Variants in CRB2 observed in about 807,000 individuals in gnomAD.
The protein encoded by CRB2 is protein crumbs homolog 2.
A neutral mutation model predicts 110.9 loss-of-function variants in CRB2; 85 were observed. That is an observed-to-expected ratio of 0.77 (90% CI 0.64 to 0.92). CRB2 has a LOEUF of 0.92. CRB2 is among the 40% of genes least tolerant of loss of function. CRB2 has a pLI of 0.00. For synonymous variants in CRB2, 907 were observed against 831.0 expected (o/e 1.09, Z -1.57); for missense variants, 1,843 against 1,851.3 (o/e 1.00, Z 0.08).
rs1386621607 is a variant in CRB2, at chr9:123,373,142, G to C, written c.2611G>C (p.Glu871Gln). 8.6e-6 allele frequency: 13 copies of C among 1,505,578 alleles called. No individual in the cohort carries two copies. The highest frequency in any genetic ancestry group is 1.1e-5 in the Non-Finnish European group (12 of 1,132,268). 93.3% of individuals were successfully genotyped at this position (1,505,578 alleles called of 1,614,324 possible). A position where few individuals can be genotyped will look rare whatever the true frequency, so the allele number is the denominator to read the frequency against. The part of the protein sequence containing the change: ...EVPDGFVCVA[E>Q]ATFREGPPAA... ...GCTCCTTCTCTCCGCAGGTGTGGCG[G>C]AGGCCACGTTCCGCGAGGGTCCCCC... The change falls in exon 10 of 13, where the codon GAG becomes CAG. Residue 871 changes from glutamate to glutamine, a missense_variant. Coordinates refer to ENST00000373631, the MANE Select transcript of CRB2 (RefSeq NM_173689.7).
chr9:123,362,602 C>G (rs773485233), intron 1 of CRB2, among the ~76,000 whole-genome samples: 20 of 152,158 alleles, frequency 1.3e-4, no homozygotes, highest in Non-Finnish European at 2.1e-4. Flanking sequence ...CAGGGAACCT[C>G]TGCTCACTAA....
rs891821412 is a variant in CRB2, at chr9:123,371,631, A to T, written c.2436+53A>T. 1.3e-5 allele frequency: 21 copies of T among 1,602,484 alleles called. No individual in the cohort carries two copies. In the East Asian group the frequency reaches 3.1e-4, roughly 24 times the overall value. ...TGGGGTGGGGAGTCCTTTTCCCAGG[A>T]TCTGTCCTGTGTCACCGGGGCTTAG... On this transcript the variant is annotated intron_variant, in intron 8 of 12. Coordinates refer to ENST00000373631, the MANE Select transcript of CRB2 (RefSeq NM_173689.7).
In CRB2 at chr9:123,370,157, G is replaced by A; in HGVS notation, c.1104G>A (p.Leu368=). 1 of 1,608,038 alleles carries A rather than the reference G, an allele frequency of 6.2e-7. No individual in the cohort carries two copies. The highest frequency in any genetic ancestry group is 8.5e-7 in the Non-Finnish European group (1 of 1,176,284). The change falls in exon 7 of 13, where the codon CTG becomes CTA. Residue 368 remains leucine (L), a synonymous_variant. Coordinates refer to ENST00000373631, the MANE Select transcript of CRB2 (RefSeq NM_173689.7). ...ATGAATGCCTGTCGGATCCCTGCCT[G>A]CACGGCGGAACCTGCAGTGACACTG... ...DVDECLSDPC[L]HGGTCSDTVA... is the part of the protein sequence containing the mutation.
Position 123,367,263 on chromosome 9 carries a change from G to A in CRB2, c.846G>A (p.Pro282=), listed in dbSNP as rs780253262. Residue 282 remains proline, a synonymous_variant, in exon 5 of 13, where the codon CCG becomes CCA. Coordinates refer to ENST00000373631, the MANE Select transcript of CRB2 (RefSeq NM_173689.7). ...GCCGATGCCTGCAGCGCTCTGACCCGGCCCTCTACGGGGGTGTCCAGGCCG... is the reference window on the plus strand; with the variant it reads ...GCCGATGCCTGCAGCGCTCTGACCCAGCCCTCTACGGGGGTGTCCAGGCCG... ...HGGRCLQRSD[P]ALYGGVQAAF... 92 of 1,597,564 alleles carry A rather than the reference G, an allele frequency of 5.8e-5. No homozygotes were observed. The highest frequency in any genetic ancestry group is 4.2e-4 in the East Asian group (19 of 44,790).
chr9:123,372,444 G>A, intron 9 of CRB2, 102 bp downstream of exon 9: 1 of 1,433,234 alleles, frequency 7.0e-7, no homozygotes, highest in South Asian at 1.4e-5. Context: ...GGTGGACCAG[G>A]CATGCCAAGC....
chr9:123,369,687 A>G (rs1353533607), intron 6 of CRB2, among the ~76,000 whole-genome samples: 3 of 152,284 alleles, frequency 2.0e-5, no homozygotes, highest in Middle Eastern at 6.8e-3. Flanking sequence ...CTTAAATGTC[A>G]GGGTGAGTGA....
chr9:123,367,254 C>T lies in CRB2; in HGVS notation c.837C>T (p.Arg279=), dbSNP rs1439591376. The change falls in exon 5 of 13, where the codon CGC becomes CGT. Residue 279 remains arginine (R), a synonymous_variant. Transcript: ENST00000373631. The part of the protein sequence containing the change: ...PCQHGGRCLQ[R]SDPALYGGVQ... ...AGCATGGGGGCCGATGCCTGCAGCG[C>T]TCTGACCCGGCCCTCTACGGGGGTG... 17 of 1,597,400 alleles carry T rather than the reference C, an allele frequency of 1.1e-5. No individual in the cohort carries two copies. The highest frequency in any genetic ancestry group is 1.4e-5 in the Non-Finnish European group (16 of 1,177,558).
Position 123,373,428 on chromosome 9 carries a change from C to T in CRB2, c.2897C>T (p.Pro966Leu), listed in dbSNP as rs565689888. Residue 966 changes from proline to leucine, a missense_variant, in exon 10 of 13, where the codon CCG (proline) becomes CTG (leucine). Transcript: ENST00000373631. ...WHRVRLAMER[P>L]AATTSRWLLW... ...CGCGTGCGTCTGGCCATGGAGCGCC[C>T]GGCGGCCACCACCTCGCGCTGGCTG... The T allele has an allele frequency of 4.7e-5, 68 of 1,447,140 alleles. No homozygotes were observed. Among genetic ancestry groups the T allele is most frequent in the Non-Finnish European group, 5.8e-5 (64 of 1,105,648 alleles). The allele number at this position is 1,447,140 out of a possible 1,614,324, so 89.6% of individuals were successfully genotyped here.
chr9:123,365,710 G>C (rs1437805663), intron 2 of CRB2, among the ~76,000 whole-genome samples: 2 of 152,152 alleles, frequency 1.3e-5, no homozygotes, highest in African/African-American at 4.8e-5. Flanking sequence ...ACTGCTGTGA[G>C]CCCCATGAAG....
At position 123,370,299 on chromosome 9, in the gene CRB2, G is replaced by A. The variant is rs199630307; in HGVS notation, c.1246G>A (p.Glu416Lys). 7.6e-5 allele frequency: 122 copies of A among 1,613,298 alleles called. No individual in the cohort carries two copies. Among genetic ancestry groups the A allele is most frequent in the Non-Finnish European group, 9.7e-5 (114 of 1,180,010 alleles). ...GGCTGCCACCTGCATCCCTATCTTC[G>A]AGTCTGGGGTCCACAGTTACGTCTG... ...PLAATCIPIFESGVHSYVCHC... is the reference protein window; with the variant it reads ...PLAATCIPIFKSGVHSYVCHC... Residue 416 changes from glutamate (E) to lysine (K), a missense_variant, in exon 7 of 13, where the codon GAG (glutamate) becomes AAG (lysine). Glu to Lys is a moderately conservative substitution (Grantham distance 56). Coordinates refer to ENST00000373631, the MANE Select transcript of CRB2 (RefSeq NM_173689.7).
At position 123,373,323 on chromosome 9, in the gene CRB2, G is replaced by A; in HGVS notation, c.2792G>A (p.Gly931Glu). The change falls in exon 10 of 13, where the codon GGG becomes GAG. Residue 931 changes from glycine (G) to glutamate (E), a missense_variant. Physicochemically the swap from Gly to Glu is moderately conservative, Grantham distance 98. Transcript: ENST00000373631. ...WLAVRNGSLA[G>E]GVRGGHGLPG... ...GCGGTGCGCAATGGCTCGCTGGCGGGGGGCGTGCGCGGAGGCCATGGCCTG... is the reference window on the plus strand; with the variant it reads ...GCGGTGCGCAATGGCTCGCTGGCGGAGGGCGTGCGCGGAGGCCATGGCCTG... 6.9e-7 allele frequency: 1 copy of A among 1,449,692 alleles called. No homozygotes were observed. Among genetic ancestry groups the A allele is most frequent in the Non-Finnish European group, 9.0e-7 (1 of 1,110,320 alleles). The allele number at this position is 1,449,692 out of a possible 1,614,324, so 89.8% of individuals were successfully genotyped here. A position where few individuals can be genotyped will look rare whatever the true frequency, so the allele number is the denominator to read the frequency against.
Position 123,377,677 on chromosome 9 carries a change from C to G in CRB2, c.*615C>G, listed in dbSNP as rs1260999075. 2.0e-5 allele frequency: 3 copies of G among 152,226 alleles called. No individual in the cohort carries two copies. Among genetic ancestry groups the G allele is most frequent in the Non-Finnish European group, 2.9e-5 (2 of 68,040 alleles). The allele number at this position is 152,226 out of a possible 1,614,324, so 9.4% of individuals were successfully genotyped here. A position where few individuals can be genotyped will look rare whatever the true frequency, so the allele number is the denominator to read the frequency against. ...AGTCAGGGAAGGCCACTAGCAGAGG[C>G]TGAGTGGGCTTCTGGCTCCTAGAAC... On this transcript the variant is annotated 3_prime_UTR_variant, in exon 13 of 13. Coordinates refer to ENST00000373631, the MANE Select transcript of CRB2 (RefSeq NM_173689.7).
chr9:123,365,134 G>A (rs976881705), intron 2 of CRB2, among the ~76,000 whole-genome samples: 1 of 152,096 alleles, frequency 6.6e-6, no homozygotes, highest in African/African-American at 2.4e-5. Flanking sequence ...GAGGTGGCAT[G>A]CACCTGTAAT....
intron 5 of CRB2, 64 bp downstream of exon 5, chr9:123,367,421 A>ACCCCCCCCCCC (rs1554782974): frequency 9.9e-6 from 6 of 608,078 alleles, no homozygotes; most frequent in Admixed American, 6.8e-5. Context: ...TCTTGTGCCC[A>ACCCCCCCCCCC]CCCCCCCACC....
upstream of CRB2, among the ~76,000 whole-genome samples, chr9:123,355,237 C>T (rs533676041): frequency 7.2e-5 from 11 of 152,324 alleles, no homozygotes; most frequent in African/African-American, 2.4e-4. Flanking sequence ...TCCACCCCAA[C>T]AAGAGGCCAG....
chr9:123,369,619 T>C (rs1376707878), intron 6 of CRB2, among the ~76,000 whole-genome samples: 2 of 151,994 alleles, frequency 1.3e-5, no homozygotes, highest in Admixed American at 1.3e-4. Context: ...ACGTTCAAGA[T>C]TTGTGGGAAG....
rs373359063 is a variant in CRB2 at position 123,370,582 on chromosome 9, C to T, written c.1529C>T (p.Pro510Leu). 89 of 1,613,148 alleles carry T rather than the reference C, an allele frequency of 5.5e-5. No individual in the cohort carries two copies. The highest frequency in any genetic ancestry group is 1.3e-4 in the South Asian group (12 of 91,080). Reference protein sequence around the residue: ...YSTTVLVLRLPDLALNDGHWH... With the variant: ...YSTTVLVLRLLDLALNDGHWH... The stretch of plus-strand genomic sequence containing the variant: ...ACCACTGTGCTTGTCCTGAGACTGC[C>T]GGACCTGGCCCTAAACGATGGCCAT... The change falls in exon 7 of 13, where the codon CCG becomes CTG. Residue 510 changes from proline to leucine, a missense_variant. Transcript: ENST00000373631.
At chr9:123,376,763 G>A (rs564670818) in intron 12 of CRB2, 75 bp from the exon 13 acceptor site, 17 of 1,341,642 alleles carry the variant, frequency 1.3e-5, no homozygotes, top group East Asian at 5.0e-5. Context: ...CTTGTGCTGC[G>A]CTCTCTGCTC....
chr9:123,374,682 C>G lies in CRB2; in HGVS notation c.3493C>G (p.Leu1165Val), dbSNP rs1246077168. 19 of 1,609,886 alleles carry G rather than the reference C, an allele frequency of 1.2e-5. No individual in the cohort carries two copies. The highest frequency in any genetic ancestry group is 1.6e-5 in the Non-Finnish European group (19 of 1,179,348). ...PAANCSCLEG[L>V]AGQRCQVPTL... ...TGCCAACTGCAGCTGCCTGGAGGGT[C>G]TTGCTGGCCAGAGGTGGGTCTGGGG... Residue 1165 changes from leucine (L) to valine (V), a missense_variant, in exon 11 of 13, where the codon CTT (leucine) becomes GTT (valine). Physicochemically the swap from Leu to Val is conservative, Grantham distance 32. Transcript: ENST00000373631.
Sources: allele counts gnomAD v4.1 joint callset (sites outside exome capture counted in the v4.1 genomes callset), GRCh38; gene constraint gnomAD v4.1.1; transcripts MANE v1.5; gene names NCBI Gene and HGNC (gene_info 2026-07-23, HGNC 2026-07-21).